Variants in CRYBG1 observed in about 807,000 individuals in gnomAD.
The protein encoded by CRYBG1 is beta/gamma crystallin domain-containing protein 1.
A neutral mutation model predicts 189.2 loss-of-function variants in CRYBG1; 139 were observed. The observed-to-expected ratio is 0.73, with a 90% CI of 0.64 to 0.85. CRYBG1 has a LOEUF of 0.85. CRYBG1 is among the 40% of genes least tolerant of loss of function. The pLI is 0.00. For missense variants in CRYBG1, 2,611 were observed against 2,675.8 expected (o/e 0.98, Z 0.53); for synonymous variants, 1,023 against 1,017.1 (o/e 1.01, Z -0.11).
chr6:106,361,977 T>TTCTTTCTTTCTTTCTTTCTTTCTTTC (rs1562285549), intron 1 of CRYBG1, among the ~76,000 whole-genome samples: 5 of 20,912 alleles, frequency 2.4e-4, no homozygotes, highest in East Asian at 1.8e-3. Flanking sequence ...TTCTTTTTTT[T>TTCTTTCTTTCTTTCTTTCTTTCTTTC]TTTTTTTTTC....
intron 2 of CRYBG1, among the ~76,000 whole-genome samples, chr6:106,490,341 T>G (rs933554955): frequency 1.4e-4 from 21 of 152,146 alleles, no homozygotes; most frequent in African/African-American, 5.1e-4. Context: ...GAAAGAAAAT[T>G]CTGTAGCTTA....
At chr6:106,470,120 A>T (rs959503491) in intron 2 of CRYBG1, among the ~76,000 whole-genome samples, 4 of 152,168 alleles carry the variant, frequency 2.6e-5, no homozygotes, top group African/African-American at 4.8e-5. Flanking sequence ...GCCCAGCAAT[A>T]AGCTGGTAAA....
chr6:106,501,109 T>C (rs1170601162), intron 2 of CRYBG1, among the ~76,000 whole-genome samples: 1 of 152,200 alleles, frequency 6.6e-6, no homozygotes, highest in Non-Finnish European at 1.5e-5. Context: ...ATAACGTTCT[T>C]GTTCCTCACG....
intron 1 of CRYBG1, among the ~76,000 whole-genome samples, chr6:106,446,478 C>A (rs1436592650): frequency 6.6e-6 from 1 of 152,174 alleles, no homozygotes; most frequent in African/African-American, 2.4e-5. Flanking sequence ...CAATAGATGG[C>A]AGTACAGCAT....
At chr6:106,418,317 G>A (rs1038728922) in intron 1 of CRYBG1, among the ~76,000 whole-genome samples, 1 of 152,198 alleles carries the variant, frequency 6.6e-6, no homozygotes, top group African/African-American at 2.4e-5. Flanking sequence ...ATGGGAAAGG[G>A]CAGGCAAACA....
At chr6:106,420,738 A>G (rs938277625) in intron 1 of CRYBG1, 1 of 153,108 alleles carries the variant, frequency 6.5e-6, no homozygotes, top group Non-Finnish European at 1.5e-5. Flanking sequence ...TTTACAACTA[A>G]TTGATCACAA....
chr6:106,436,034 G>A (rs1257341004), intron 1 of CRYBG1, among the ~76,000 whole-genome samples: 2 of 152,130 alleles, frequency 1.3e-5, no homozygotes, highest in Non-Finnish European at 2.9e-5. Flanking sequence ...ATGTAAAAAG[G>A]TCTGTTCCAT....
chr6:106,512,277 G>A lies in CRYBG1; in HGVS notation c.1160G>A (p.Gly387Glu). 4 of 1,572,486 alleles carry A rather than the reference G, an allele frequency of 2.5e-6. No individual in the cohort carries two copies. Among genetic ancestry groups the A allele is most frequent in the Non-Finnish European group, 3.4e-6 (4 of 1,162,614 alleles). Residue 387 changes from glycine to glutamate, a missense_variant, in exon 3 of 22, where the codon GGG (glycine) becomes GAG (glutamate). Physicochemically the swap from Gly to Glu is moderately conservative, Grantham distance 98. Transcript: ENST00000633556. ...GACATCTACTTGAGTAAGACTGAGG[G>A]GGCACAAGTGGACGAGCCGGTCGTG... is the stretch of plus-strand genomic sequence containing the variant. ...TLDIYLSKTE[G>E]AQVDEPVVIT...
intron 20 of CRYBG1, 45 bp downstream of exon 20, chr6:106,561,545 A>G (rs947636380): frequency 1.9e-6 from 3 of 1,575,722 alleles, no homozygotes; most frequent in Non-Finnish European, 2.6e-6. Context: ...CTTTGCTAGG[A>G]GGTGACTCAT....
intron 1 of CRYBG1, among the ~76,000 whole-genome samples, chr6:106,430,851 G>A (rs764783325): frequency 3.3e-5 from 5 of 151,930 alleles, no homozygotes; most frequent in African/African-American, 9.7e-5. Flanking sequence ...GGCAATTGTC[G>A]GAACTGTCTT....
intron 1 of CRYBG1, among the ~76,000 whole-genome samples, chr6:106,444,892 G>A (rs1282892391): frequency 3.3e-5 from 5 of 152,132 alleles, no homozygotes; most frequent in African/African-American, 9.7e-5. Context: ...CTGGCACTTT[G>A]GGAGGCTGAG....
chr6:106,543,021 T>A (rs9486393), intron 10 of CRYBG1, among the ~76,000 whole-genome samples: 2,066 of 150,544 alleles, frequency 0.014, 45 homozygotes, highest in African/African-American at 0.046. Context: ...TAATTAAATT[T>A]AATTTTATTT....
chr6:106,385,961 T>C (rs1770380296), intron 1 of CRYBG1, among the ~76,000 whole-genome samples: 1 of 152,134 alleles, frequency 6.6e-6, no homozygotes, highest in Admixed American at 6.6e-5. Flanking sequence ...CTGCTTCTGT[T>C]CTTGGTGTTC....
At chr6:106,551,441 C>T (rs1229243549) in intron 13 of CRYBG1, among the ~76,000 whole-genome samples, 3 of 152,118 alleles carry the variant, frequency 2.0e-5, no homozygotes, top group African/African-American at 7.2e-5. Context: ...AGGTTGATTC[C>T]ACATCTTGAT....
At chr6:106,539,664 A>G (rs1774085547) in intron 9 of CRYBG1, 135 bp downstream of exon 9, 1 of 943,764 alleles carries the variant, frequency 1.1e-6, no homozygotes, top group African/African-American at 1.7e-5. Context: ...ATTGCTCAAT[A>G]GAAATCATGG....
intron 1 of CRYBG1, among the ~76,000 whole-genome samples, chr6:106,362,870 C>T (rs1040339014): frequency 1.9e-4 from 29 of 152,084 alleles, no homozygotes; most frequent in African/African-American, 7.0e-4. Context: ...AAGATCTAGT[C>T]TTATCATTTA....
At chr6:106,469,888 A>G (rs543115812) in intron 2 of CRYBG1, among the ~76,000 whole-genome samples, 9 of 152,328 alleles carry the variant, frequency 5.9e-5, no homozygotes, top group African/African-American at 1.4e-4. Flanking sequence ...ATGAAGACTC[A>G]GTGTGATGGG....
chr6:106,551,717 A>ACCTT, intron 13 of CRYBG1, 135 bp from the exon 14 acceptor site: 1 of 952,654 alleles, frequency 1.0e-6, no homozygotes, highest in Non-Finnish European at 1.6e-6. Context: ...CTAAAGGTTA[A>ACCTT]TGGAGAATCA....
At chr6:106,505,818 T>A (rs1470447476) in intron 2 of CRYBG1, among the ~76,000 whole-genome samples, 1 of 151,834 alleles carries the variant, frequency 6.6e-6, no homozygotes, top group African/African-American at 2.4e-5. Flanking sequence ...ACATGGCCAA[T>A]CCTATCATTT....
Sources: gnomAD v4.1 joint callset for allele counts (sites outside exome capture counted in the v4.1 genomes callset) on GRCh38, gnomAD v4.1.1 for gene constraint, MANE v1.5 for transcripts, NCBI Gene and HGNC (gene_info 2026-07-23, HGNC 2026-07-21) for gene names.